ABCD3: variants seen among roughly 807,000 people sequenced by gnomAD.
The protein encoded by ABCD3 is ATP binding cassette subfamily D member 3, also known as ATP-binding cassette sub-family D member 3.
A neutral mutation model predicts 105.5 loss-of-function variants in ABCD3; 41 were observed. The observed-to-expected ratio is 0.39, with a 90% CI of 0.30 to 0.50. The LOEUF (loss-of-function observed/expected upper bound fraction) is 0.50, where lower values mean the gene tolerates loss of function less well. Ranked by LOEUF, ABCD3 falls within the 20% of genes least tolerant of loss-of-function variation. The probability of loss-of-function intolerance (pLI) is 0.84; values close to 1 mark genes in which losing one functional copy is unlikely to be tolerated. For missense variants in ABCD3, 622 were observed against 806.3 expected, an observed-to-expected ratio of 0.77 and a Z score of 2.77; for synonymous variants, 258 against 269.0, an observed-to-expected ratio of 0.96 and a Z score of 0.40.
the ABCD3 span, among the ~76,000 whole-genome samples, chr1:94,399,532 A>G: frequency 6.6e-6 from 1 of 152,216 alleles, no homozygotes; most frequent in East Asian, 1.9e-4. Flanking sequence ...ACACATGAGA[A>G]AGTTGAGAGC....
chr1:94,490,431 C>T (rs1649476131), intron 15 of ABCD3, among the ~76,000 whole-genome samples: 1 of 152,040 alleles, frequency 6.6e-6, no homozygotes, highest in African/African-American at 2.4e-5. Flanking sequence ...CACCGTCCTA[C>T]TCTCTACTTC....
At chr1:94,489,571 G>T (rs1219691337) in intron 13 of ABCD3, among the ~76,000 whole-genome samples, 154 bp from the exon 14 acceptor site, 7 of 139,264 alleles carry the variant, frequency 5.0e-5, no homozygotes, top group African/African-American at 1.9e-4. Flanking sequence ...ACATAATAAA[G>T]CACACATGTT....
At position 94,498,857 on chromosome 1, in the gene ABCD3, T is replaced by A. The variant is rs1238769086; in HGVS notation, c.1530+9T>A. On this transcript the variant is annotated intron_variant, in intron 18 of 22. Transcript: ENST00000370214. ...TATTTTATGTTCCTCAGGTAAGACC[T>A]AGCTTGAGTTATCTTTGATCTAAAG... 2 of 1,613,032 alleles carry A rather than the reference T, an allele frequency of 1.2e-6. No individual in the cohort carries two copies. The highest frequency in any genetic ancestry group is 8.5e-7 in the Non-Finnish European group (1 of 1,179,140).
chr1:94,424,854 G>T (rs1460814159), intron 1 of ABCD3, among the ~76,000 whole-genome samples: 2 of 152,132 alleles, frequency 1.3e-5, no homozygotes, highest in South Asian at 4.1e-4. Context: ...CATACTGCTA[G>T]CATTTAAGTT....
chr1:94,435,506 G>A (rs1274501098), intron 1 of ABCD3, among the ~76,000 whole-genome samples: 4 of 152,152 alleles, frequency 2.6e-5, no homozygotes, highest in Admixed American at 1.3e-4. Context: ...ATTCCAGCCT[G>A]GGCAACAGAG....
intron 7 of ABCD3, among the ~76,000 whole-genome samples, chr1:94,476,254 CT>C (rs1291495004): frequency 6.6e-6 from 1 of 152,158 alleles, no homozygotes; most frequent in East Asian, 1.9e-4. Flanking sequence ...GCCAAAGCTC[CT>C]GACTGTGATA....
chr1:94,446,130 A>G (rs1660337618), intron 1 of ABCD3, among the ~76,000 whole-genome samples: 1 of 152,258 alleles, frequency 6.6e-6, no homozygotes, highest in Admixed American at 6.5e-5. Flanking sequence ...AAAATGTGAA[A>G]AAGGAAAACA....
intron 1 of ABCD3, among the ~76,000 whole-genome samples, chr1:94,458,335 G>C (rs1185524350): frequency 6.6e-6 from 1 of 152,126 alleles, no homozygotes; most frequent in Admixed American, 6.6e-5. Flanking sequence ...ATTTATGTTT[G>C]TATTTATACA....
chr1:94,409,483 C>A, the ABCD3 span, among the ~76,000 whole-genome samples: 2 of 152,272 alleles, frequency 1.3e-5, no homozygotes, highest in East Asian at 1.9e-4. Context: ...GCAATTGAGA[C>A]AATATAGTAT....
chr1:94,516,533 A>G (rs1441061468), intron 22 of ABCD3, among the ~76,000 whole-genome samples: 3 of 151,924 alleles, frequency 2.0e-5, no homozygotes, highest in African/African-American at 4.8e-5. Context: ...TTTTGGAGGT[A>G]TAGACAAGTA....
rs749980366 is a variant in ABCD3 at position 94,418,532 on chromosome 1, C to T, written c.54C>T (p.Ala18=). 9 of 1,605,456 alleles carry T rather than the reference C, an allele frequency of 5.6e-6. No homozygotes were observed. In the Admixed American group the frequency reaches 1.0e-4, roughly 18 times the overall value. ...CGCGAAACTCCTCGCTGGCTGGTGC[C>T]GCGTTCCTGCTGCTCTGCCTGCTCC... ...LTARNSSLAG[A]AFLLLCLLHK... Residue 18 remains alanine, a synonymous_variant, in exon 1 of 23, where the codon GCC becomes GCT. Coordinates refer to ENST00000370214, the MANE Select transcript of ABCD3 (RefSeq NM_002858.4).
At chr1:94,417,398 GACAC>G, upstream of ABCD3, among the ~76,000 whole-genome samples, 1 of 152,172 alleles carries the variant, frequency 6.6e-6, no homozygotes, top group Non-Finnish European at 1.5e-5. Flanking sequence ...CTTATTTTCT[GACAC>G]ACTTGCTTTT....
the ABCD3 span, among the ~76,000 whole-genome samples, chr1:94,396,063 T>C: frequency 6.6e-6 from 1 of 152,310 alleles, no homozygotes; most frequent in South Asian, 2.1e-4. Context: ...TCTCACATTA[T>C]TTCTGCCTAT....
chr1:94,402,426 T>C, the ABCD3 span, among the ~76,000 whole-genome samples: 41 of 152,318 alleles, frequency 2.7e-4, no homozygotes, highest in African/African-American at 8.9e-4. Flanking sequence ...TTTATGTGTG[T>C]GCTCTTTATG....
At chr1:94,480,782 A>T (rs1052979524) in intron 9 of ABCD3, among the ~76,000 whole-genome samples, 176 bp downstream of exon 9, 3 of 152,170 alleles carry the variant, frequency 2.0e-5, no homozygotes, top group African/African-American at 7.2e-5. Context: ...GAATATTTTG[A>T]ACTCTTTTTC....
In ABCD3 at chr1:94,518,242, G is replaced by A. The variant is rs1215214337; in HGVS notation, c.*1113G>A. ...ATCAAATCATCATTAATGACTTTATGTATTATTTGCACAGGGAGAATTGAA... is the reference window on the plus strand; with the variant it reads ...ATCAAATCATCATTAATGACTTTATATATTATTTGCACAGGGAGAATTGAA... On this transcript the variant is annotated 3_prime_UTR_variant, in exon 23 of 23. Coordinates refer to ENST00000370214, the MANE Select transcript of ABCD3 (RefSeq NM_002858.4). 1 of 152,176 alleles carries A rather than the reference G, an allele frequency of 6.6e-6. No homozygotes were observed. Among genetic ancestry groups the A allele is most frequent in the Non-Finnish European group, 1.5e-5 (1 of 67,792 alleles). The allele number at this position is 152,176 out of a possible 1,614,324, so 9.4% of individuals were successfully genotyped here.
At chr1:94,393,816 T>C in the ABCD3 span, among the ~76,000 whole-genome samples, 1 of 152,188 alleles carries the variant, frequency 6.6e-6, no homozygotes, top group Non-Finnish European at 1.5e-5. Flanking sequence ...AGCATCTATA[T>C]CTGACAGAGA....
the ABCD3 span, among the ~76,000 whole-genome samples, chr1:94,390,536 AG>A: frequency 6.6e-6 from 1 of 151,994 alleles, no homozygotes; most frequent in Non-Finnish European, 1.5e-5. Context: ...CTCCTGGCCT[AG>A]GGTGATCCAC....
the ABCD3 span, among the ~76,000 whole-genome samples, chr1:94,400,647 G>A: frequency 6.6e-6 from 1 of 152,156 alleles, no homozygotes; most frequent in Non-Finnish European, 1.5e-5. Flanking sequence ...CCACCCTTGT[G>A]CCTTCCAGCT....
Sources: gnomAD v4.1 joint callset for allele counts (sites outside exome capture counted in the v4.1 genomes callset) on GRCh38, gnomAD v4.1.1 for gene constraint, MANE v1.5 for transcripts, NCBI Gene and HGNC (gene_info 2026-07-23, HGNC 2026-07-21) for gene names.